The following CSMD2 variants were observed in gnomAD, a reference collection of about 807,000 sequenced individuals.
CSMD2 encodes CUB and sushi domain-containing protein 2.
A neutral mutation model predicts 398.5 loss-of-function variants in CSMD2; 130 were observed. The ratio of observed to expected loss-of-function variants is 0.33; its 90% confidence interval spans 0.28 to 0.38. The LOEUF (loss-of-function observed/expected upper bound fraction) is 0.38. CSMD2 is among the 10% of genes least tolerant of loss of function. CSMD2 has a pLI of 1.00. For missense variants in CSMD2, 3,829 were observed against 4,764.9 expected (o/e 0.80, Z 5.78); for synonymous variants, 1,828 against 1,908.5 (o/e 0.96, Z 1.10).
chr1:33,749,262 C>T (rs11801680), intron 13 of CSMD2, among the ~76,000 whole-genome samples: 1 of 151,948 alleles, frequency 6.6e-6, no homozygotes, highest in Non-Finnish European at 1.5e-5. Context: ...CCTCGCCCGG[C>T]TAATTTTTTT....
Position 33,603,135 on chromosome 1 carries a change from C to T in CSMD2, c.6533-589G>A, listed in dbSNP as rs144140070. On this transcript the variant is annotated intron_variant, in intron 42 of 70. Transcript: ENST00000373381. ...ACCTGTAAAATGGAACTAAGAATAC[C>T]TCCCCCATAGGATTGTGGTGGTGAT... 8.0e-3 allele frequency among the ~76,000 whole-genome samples: 1,213 copies of T among 152,186 alleles called. 20 individuals carry two copies. Among genetic ancestry groups the T allele is most frequent in the African/African-American group, 0.028 (1,161 of 41,506 alleles).
At chr1:33,538,320 T>G (rs902502467) in intron 60 of CSMD2, among the ~76,000 whole-genome samples, 2 of 152,208 alleles carry the variant, frequency 1.3e-5, no homozygotes, top group African/African-American at 2.4e-5. Context: ...GGGTACACAT[T>G]TACACTGCGG....
chr1:33,593,735 T>G (rs1639636802), intron 44 of CSMD2, among the ~76,000 whole-genome samples: 1 of 152,252 alleles, frequency 6.6e-6, no homozygotes, highest in South Asian at 2.1e-4. Flanking sequence ...TAAATTTGCA[T>G]TTTTCATTAC....
chr1:33,542,841 A>G lies in CSMD2; in HGVS notation c.9156T>C (p.Asp3052=). 6.2e-7 allele frequency: 1 copy of G among 1,614,226 alleles called. No homozygotes were observed. Among genetic ancestry groups the G allele is most frequent in the Non-Finnish European group, 8.5e-7 (1 of 1,180,034 alleles). ...CGATAGAGCTGGAGAAAACCAGGCC[A>G]TCACTGAACACAACTCGGGCATTAC... ...TPSNARVVFS[D]GLVFSSSIVY... The change falls in exon 58 of 71, where the codon GAT becomes GAC. Residue 3052 remains aspartate, a synonymous_variant. Transcript: ENST00000373381.
chr1:34,042,303 C>T (rs1293160490), intron 2 of CSMD2, among the ~76,000 whole-genome samples: 1 of 152,248 alleles, frequency 6.6e-6, no homozygotes, highest in African/African-American at 2.4e-5. Flanking sequence ...TCTGCCAAGA[C>T]TGTCAGTGTG....
chr1:33,970,426 G>A (rs540605787), intron 3 of CSMD2, among the ~76,000 whole-genome samples: 2 of 152,228 alleles, frequency 1.3e-5, no homozygotes, highest in South Asian at 2.1e-4. Context: ...CTCTGCTCCC[G>A]TAAAGTGAGG....
At chr1:33,822,764 G>A (rs1366054366) in intron 7 of CSMD2, among the ~76,000 whole-genome samples, 1 of 152,110 alleles carries the variant, frequency 6.6e-6, no homozygotes, top group African/African-American at 2.4e-5. Flanking sequence ...CCAGAAGGTG[G>A]GAAGGAGGAG....
intron 2 of CSMD2, among the ~76,000 whole-genome samples, chr1:34,085,614 CAGA>C (rs910350378): frequency 3.3e-5 from 5 of 152,012 alleles, no homozygotes; most frequent in Non-Finnish European, 4.4e-5. Flanking sequence ...TGAGAGGAGA[CAGA>C]AGATTTTTTG....
intron 67 of CSMD2, among the ~76,000 whole-genome samples, chr1:33,522,149 C>T (rs544434093): frequency 7.3e-4 from 111 of 152,286 alleles, no homozygotes; most frequent in Non-Finnish European, 1.4e-3. Flanking sequence ...GGGGCCGCAG[C>T]GGCTGAGGGC....
chr1:33,581,814 C>G (rs1227524384), intron 47 of CSMD2, among the ~76,000 whole-genome samples: 2 of 152,100 alleles, frequency 1.3e-5, no homozygotes, highest in Non-Finnish European at 2.9e-5. Flanking sequence ...ATTTATCACT[C>G]TGGAAAAGGC....
intron 10 of CSMD2, among the ~76,000 whole-genome samples, chr1:33,809,253 C>T (rs993710789): frequency 3.1e-5 from 4 of 130,978 alleles, no homozygotes; most frequent in Non-Finnish European, 6.3e-5. Context: ...GCCAAGCTCA[C>T]TAACAAAATA....
chr1:34,148,330 C>T (rs76048515), intron 1 of CSMD2, among the ~76,000 whole-genome samples: 4 of 152,276 alleles, frequency 2.6e-5, no homozygotes, highest in Admixed American at 1.3e-4. Context: ...GCATCAAAAA[C>T]CTCCACCGGC....
intron 55 of CSMD2, among the ~76,000 whole-genome samples, chr1:33,553,196 C>T (rs959674353): frequency 6.6e-6 from 1 of 152,036 alleles, no homozygotes; most frequent in African/African-American, 2.4e-5. Context: ...TTTTGGTAAC[C>T]CTGTGTTGAG....
intron 22 of CSMD2, 24 bp downstream of exon 22, chr1:33,709,065 T>C: frequency 1.9e-6 from 3 of 1,592,938 alleles, no homozygotes; most frequent in Non-Finnish European, 2.6e-6. Flanking sequence ...ATAACACACA[T>C]ACTCTGAAAT....
intron 47 of CSMD2, among the ~76,000 whole-genome samples, chr1:33,581,149 C>CT (rs1638671100): frequency 6.6e-6 from 1 of 151,968 alleles, no homozygotes; most frequent in African/African-American, 2.4e-5. Flanking sequence ...AATTGATTTG[C>CT]ATTTTGAGAC....
At chr1:34,103,444 A>G (rs544365538) in intron 1 of CSMD2, among the ~76,000 whole-genome samples, 309 of 151,812 alleles carry the variant, frequency 2.0e-3, no homozygotes, top group Non-Finnish European at 3.5e-3. Context: ...GACTACCGGC[A>G]CCCGCCACCA....
At chr1:34,101,898 A>G (rs908762066) in intron 1 of CSMD2, among the ~76,000 whole-genome samples, 1 of 151,900 alleles carries the variant, frequency 6.6e-6, no homozygotes, top group African/African-American at 2.4e-5. Context: ...AGGTCTTACT[A>G]TTTTTCTTGT....
rs550144332 is a variant in CSMD2, at chr1:33,608,148, G to T, written c.6344-2678C>A. ...AAAGATGGGGGCTGGGGAATCAGGGGCGAGTGAGCCCAAGGCCAGGGCTCT... is the reference window on the plus strand; with the variant it reads ...AAAGATGGGGGCTGGGGAATCAGGGTCGAGTGAGCCCAAGGCCAGGGCTCT... On this transcript the variant is annotated intron_variant, in intron 41 of 70. Coordinates refer to ENST00000373381, the MANE Select transcript of CSMD2 (RefSeq NM_001281956.2). Among the ~76,000 whole-genome samples, 6 of 152,138 alleles carry T rather than the reference G, an allele frequency of 3.9e-5. No individual in the cohort carries two copies. In the South Asian group the frequency reaches 1.0e-3, roughly 26 times the overall value.
chr1:33,960,556 T>G (rs375895728), intron 3 of CSMD2, among the ~76,000 whole-genome samples: 67 of 152,260 alleles, frequency 4.4e-4, no homozygotes, highest in African/African-American at 1.6e-3. Context: ...CTCATGGTGT[T>G]GTGGGGGAGA....
Sources: gnomAD v4.1 joint callset for allele counts (sites outside exome capture counted in the v4.1 genomes callset) on GRCh38, gnomAD v4.1.1 for gene constraint, MANE v1.5 for transcripts, NCBI Gene and HGNC (gene_info 2026-07-23, HGNC 2026-07-21) for gene names.